Variants in PCDHA6 observed in about 807,000 individuals in gnomAD.
PCDHA6 encodes protocadherin alpha-6.
Under a neutral mutation model 60.3 loss-of-function variants are expected in PCDHA6, and 55 were observed. The observed-to-expected ratio is 0.91, with a 90% CI of 0.73 to 1.14. PCDHA6 has a LOEUF of 1.14. Among genes scored for constraint, PCDHA6 ranks in the 50% most tolerant of loss-of-function variants. PCDHA6 has a pLI of 0.00. For synonymous variants in PCDHA6, 652 were observed against 557.9 expected (o/e 1.17, Z -2.38); for missense variants, 1,327 against 1,256.5 (o/e 1.06, Z -0.85).
At chr5:140,971,209 C>T (rs147218200) in intron 1 of PCDHA6, among the ~76,000 whole-genome samples, 3 of 152,118 alleles carry the variant, frequency 2.0e-5, no homozygotes, top group African/African-American at 7.2e-5. Context: ...ACACTGTTAC[C>T]CTCCCTCTCC....
intron 1 of PCDHA6, among the ~76,000 whole-genome samples, chr5:140,894,305 T>A (rs1318862417): frequency 6.6e-6 from 1 of 152,078 alleles, no homozygotes; most frequent in East Asian, 1.9e-4. Context: ...TCCTGGAAAG[T>A]TTTCTTAAAT....
At chr5:140,875,894 C>T in intron 1 of PCDHA6, 1 of 1,614,170 alleles carries the variant, frequency 6.2e-7, no homozygotes, top group Non-Finnish European at 8.5e-7. Context: ...CAAAAGGTAC[C>T]TGTTTCTGAA....
intron 1 of PCDHA6, chr5:140,869,738 T>C (rs1454972321): frequency 1.2e-6 from 2 of 1,613,348 alleles, no homozygotes; most frequent in Non-Finnish European, 8.5e-7. Flanking sequence ...AATTTGCTGC[T>C]AACAGCTACA....
At chr5:140,938,870 A>C (rs560302282) in intron 1 of PCDHA6, among the ~76,000 whole-genome samples, 1 of 152,264 alleles carries the variant, frequency 6.6e-6, no homozygotes, top group South Asian at 2.1e-4. Flanking sequence ...TTAAAAGTTA[A>C]GAAGCAACAC....
chr5:140,888,802 AGTGATCT>A (rs1418023292), intron 1 of PCDHA6, among the ~76,000 whole-genome samples: 2 of 152,088 alleles, frequency 1.3e-5, no homozygotes, highest in African/African-American at 4.8e-5. Flanking sequence ...GAGGTTGATC[AGTGATCT>A]GTGATCTGTG....
At chr5:140,853,068 A>G (rs2042618131) in intron 1 of PCDHA6, 1 of 280,152 alleles carries the variant, frequency 3.6e-6, no homozygotes, top group Non-Finnish European at 5.5e-6. Context: ...TTTAGTAGAG[A>G]TGGGGTTTCA....
intron 1 of PCDHA6, among the ~76,000 whole-genome samples, chr5:140,911,032 A>G (rs2075293448): frequency 6.6e-6 from 1 of 152,092 alleles, no homozygotes; most frequent in African/African-American, 2.4e-5. Flanking sequence ...TTATAGGTCT[A>G]GAAGCAAACA....
chr5:140,869,750 A>T (rs1467855920), intron 1 of PCDHA6: 1 of 1,613,280 alleles, frequency 6.2e-7, no homozygotes, highest in Non-Finnish European at 8.5e-7. Context: ...ACAGCTACAG[A>T]CGGGGGAAAA....
intron 1 of PCDHA6, chr5:140,862,055 T>A (rs562841635): frequency 6.4e-6 from 1 of 155,712 alleles, no homozygotes; most frequent in East Asian, 1.9e-4. Context: ...ATTGTTTCTT[T>A]GCAACTGATG....
At chr5:140,909,451 G>T (rs1433382775) in intron 1 of PCDHA6, among the ~76,000 whole-genome samples, 1 of 152,216 alleles carries the variant, frequency 6.6e-6, no homozygotes, top group African/African-American at 2.4e-5. Flanking sequence ...CATTCTCCAA[G>T]ATCCATCTGT....
rs374162485 is a variant in PCDHA6 at position 140,856,517 on chromosome 5, T to A, written c.2394+26032T>A. 8 of 1,598,368 alleles carry A rather than the reference T, an allele frequency of 5.0e-6. 1 individual carries two copies. Among genetic ancestry groups the A allele is most frequent in the Non-Finnish European group, 6.0e-6 (7 of 1,167,940 alleles). On this transcript the variant is annotated intron_variant, in intron 1 of 3. Coordinates refer to ENST00000529310, the MANE Select transcript of PCDHA6 (RefSeq NM_018909.4). ...CTCTCGATTTCCACTAGAAGGCGCA[T>A]CTGATGCGGATGTTGGAGAGAACGC...
At chr5:140,926,512 C>T in intron 1 of PCDHA6, 1 of 197,914 alleles carries the variant, frequency 5.1e-6, no homozygotes. Context: ...GTCTCCCAGG[C>T]TCCGCCCTGC....
intron 1 of PCDHA6, chr5:140,834,534 G>T (rs1554134303): frequency 5.6e-6 from 9 of 1,614,094 alleles, no homozygotes; most frequent in South Asian, 1.1e-5. Flanking sequence ...CATCGCGCAG[G>T]ACCTGGGGCT....
intron 1 of PCDHA6, among the ~76,000 whole-genome samples, chr5:140,930,773 TA>T (rs1192170091): frequency 6.6e-6 from 1 of 152,226 alleles, no homozygotes; most frequent in East Asian, 1.9e-4. Flanking sequence ...CTGTACTTAA[TA>T]TTTTCACAAT....
chr5:140,891,596 A>T (rs191602934), intron 1 of PCDHA6, among the ~76,000 whole-genome samples: 2 of 152,134 alleles, frequency 1.3e-5, no homozygotes, highest in African/African-American at 4.8e-5. Flanking sequence ...ACTCTATCCC[A>T]TCTATTTCTA....
chr5:140,906,999 G>T lies in PCDHA6; in HGVS notation c.2395-71950G>T, dbSNP rs187849442. Among the ~76,000 whole-genome samples the T allele has an allele frequency of 8.0e-3, 1,219 of 152,202 alleles. 6 individuals are homozygous for T. The highest frequency in any genetic ancestry group is 0.019 in the African/African-American group (787 of 41,528). On this transcript the variant is annotated intron_variant, in intron 1 of 3. Coordinates refer to ENST00000529310, the MANE Select transcript of PCDHA6 (RefSeq NM_018909.4). Reference sequence around the variant, plus strand: ...TTCTGGTGGCAGCATTCCTCCCTCTGGAACTAAGACCTCTAGGCCAGCAGA... The same window carrying T: ...TTCTGGTGGCAGCATTCCTCCCTCTTGAACTAAGACCTCTAGGCCAGCAGA...
chr5:140,969,385 C>T, intron 1 of PCDHA6: 1 of 1,598,120 alleles, frequency 6.3e-7, no homozygotes, highest in Non-Finnish European at 8.5e-7. Flanking sequence ...TTACACATCC[C>T]CCAATATCCT....
chr5:140,872,785 C>T (rs781982200), intron 1 of PCDHA6, among the ~76,000 whole-genome samples: 12 of 152,072 alleles, frequency 7.9e-5, no homozygotes, highest in Non-Finnish European at 1.3e-4. Context: ...ATAATATATG[C>T]TAGTTGGCAT....
intron 1 of PCDHA6, among the ~76,000 whole-genome samples, chr5:140,910,364 TATGCCCACCTTGCC>T: frequency 6.6e-6 from 1 of 152,222 alleles, no homozygotes; most frequent in Admixed American, 6.5e-5. Context: ...TTATGGTAGC[TATGCCCACCTTGCC>T]TTTGACAGTT....
Sources: allele counts gnomAD v4.1 joint callset (sites outside exome capture counted in the v4.1 genomes callset), GRCh38; gene constraint gnomAD v4.1.1; transcripts MANE v1.5; gene names NCBI Gene and HGNC (gene_info 2026-07-23, HGNC 2026-07-21).